The following PCDHGB4 variants were observed in gnomAD, a reference collection of about 807,000 sequenced individuals.
PCDHGB4 encodes protocadherin gamma-B4.
In PCDHGB4, 38 loss-of-function variants were observed where a neutral mutation model predicts 60.5. The observed-to-expected ratio is 0.63, with a 90% confidence interval of 0.48 to 0.82. PCDHGB4 has a LOEUF of 0.82. Ranked by LOEUF, PCDHGB4 falls within the 40% of genes least tolerant of loss-of-function variation. The pLI, the probability that PCDHGB4 is intolerant of heterozygous loss-of-function variation, is 0.00. For missense variants in PCDHGB4, 1,109 were observed against 1,209.6 expected, an observed-to-expected ratio of 0.92 and a Z score of 1.23; for synonymous variants, 456 against 509.7, an observed-to-expected ratio of 0.89 and a Z score of 1.42.
intron 1 of PCDHGB4, chr5:141,403,461 A>G (rs2094410364): frequency 6.2e-7 from 1 of 1,614,010 alleles, no homozygotes; most frequent in Non-Finnish European, 8.5e-7. Context: ...CTCCAGAGCT[A>G]CCAGCTCAGC....
In PCDHGB4 at chr5:141,486,836, G is replaced by C; in HGVS notation, c.2398-7971G>C. On this transcript the variant is annotated intron_variant, in intron 1 of 3. Coordinates refer to ENST00000519479, the MANE Select transcript of PCDHGB4 (RefSeq NM_003736.4). This position sits in a 1 kb window ranked among gnomAD's most constrained non-coding sequence, Gnocchi z 5.0. ...CAGCACTGTAACAGTTCGTCTATTT[G>C]TGCTGGACCTCAATGACAATGCTCC... 1 of 1,614,242 alleles carries C rather than the reference G, an allele frequency of 6.2e-7. No individual in the cohort carries two copies. The highest frequency in any genetic ancestry group is 8.5e-7 in the Non-Finnish European group (1 of 1,180,046).
intron 1 of PCDHGB4, chr5:141,415,308 C>T: frequency 6.2e-7 from 1 of 1,614,236 alleles, no homozygotes; most frequent in Non-Finnish European, 8.5e-7. Flanking sequence ...TCCTGGCCTT[C>T]GTCATCGTGC....
Position 141,489,338 on chromosome 5 carries a change from A to T in PCDHGB4, c.2398-5469A>T, listed in dbSNP as rs1303176012. 1 of 1,608,414 alleles carries T rather than the reference A, an allele frequency of 6.2e-7. No homozygotes were observed. Among genetic ancestry groups the T allele is most frequent in the South Asian group, 1.1e-5 (1 of 90,478 alleles). ...GGCTGGGTGTCTGGGCAGCTTCGTTACTCAGTGGTGGAGGAGTCTGAGCCG... is the reference window on the plus strand; with the variant it reads ...GGCTGGGTGTCTGGGCAGCTTCGTTTCTCAGTGGTGGAGGAGTCTGAGCCG... On this transcript the variant is annotated intron_variant, in intron 1 of 3. Coordinates refer to ENST00000519479, the MANE Select transcript of PCDHGB4 (RefSeq NM_003736.4). This position sits in a 1 kb window ranked among gnomAD's most constrained non-coding sequence, Gnocchi z 4.5.
intron 1 of PCDHGB4, chr5:141,394,595 G>A: frequency 6.2e-7 from 1 of 1,613,740 alleles, no homozygotes; most frequent in Non-Finnish European, 8.5e-7. Flanking sequence ...TGGTGGCGGT[G>A]GACAGAGACT....
At chr5:141,394,847 G>T in intron 1 of PCDHGB4, 1 of 1,613,848 alleles carries the variant, frequency 6.2e-7, no homozygotes, top group South Asian at 1.1e-5. Context: ...TGGGCAGTCT[G>T]AAGCCTTCGG....
intron 1 of PCDHGB4, among the ~76,000 whole-genome samples, chr5:141,402,221 G>A (rs567791316): frequency 1.3e-5 from 2 of 151,942 alleles, no homozygotes; most frequent in Admixed American, 6.5e-5. Context: ...TAAAATAAAC[G>A]TTTTTCCAGG....
rs2099883850 is a variant in PCDHGB4, at chr5:141,511,565, A to T, written c.*392A>T. The T allele has an allele frequency of 3.4e-6, 1 of 295,974 alleles. No homozygotes were observed. Among genetic ancestry groups the T allele is most frequent in the African/African-American group, 2.2e-5 (1 of 46,502 alleles). The allele number at this position is 295,974 out of a possible 1,614,324, so 18.3% of individuals were successfully genotyped here. The stretch of plus-strand genomic sequence containing the variant: ...CCACTCCAACAGTTCCTCTTTCCCG[A>T]GTAAGGTGGTTGGGGTGTTGAAGTA... On this transcript the variant is annotated 3_prime_UTR_variant, in exon 4 of 4. Coordinates refer to ENST00000519479, the MANE Select transcript of PCDHGB4 (RefSeq NM_003736.4).
intron 2 of PCDHGB4, among the ~76,000 whole-genome samples, chr5:141,498,068 A>G (rs765582921): frequency 6.6e-6 from 1 of 152,244 alleles, no homozygotes; most frequent in Non-Finnish European, 1.5e-5. Context: ...TGAAACTGTC[A>G]TAAGTGCTAG....
Position 141,490,911 on chromosome 5 carries a change from G to C in PCDHGB4, c.2398-3896G>C. On this transcript the variant is annotated intron_variant, in intron 1 of 3. Coordinates refer to ENST00000519479, the MANE Select transcript of PCDHGB4 (RefSeq NM_003736.4). The surrounding 1 kb of genome is among the most constrained non-coding windows in gnomAD (Gnocchi z 5.4). ...CTCTGCATGTGTTTGTCCTAGACGA[G>C]AATGATAATGCCCCAGCTGTGCTGC... is the stretch of plus-strand genomic sequence containing the variant. The C allele has an allele frequency of 6.2e-7, 1 of 1,613,722 alleles. No homozygotes were observed. Among genetic ancestry groups the C allele is most frequent in the East Asian group, 2.2e-5 (1 of 44,870 alleles).
chr5:141,450,006 C>CTATTTTT lies in PCDHGB4; in HGVS notation c.2398-44800_2398-44799insATTTTTT, dbSNP rs70988802. On this transcript the variant is annotated intron_variant, in intron 1 of 3. Coordinates refer to ENST00000519479, the MANE Select transcript of PCDHGB4 (RefSeq NM_003736.4). ...CACATTGCATTTAGTTGCCATGTCTCTTTTTTTTTTTTTTTTTTGAGACAG... is the reference window on the plus strand; with the variant it reads ...CACATTGCATTTAGTTGCCATGTCTCTATTTTTTTTTTTTTTTTTTTTTTTGAGACAG... Among the ~76,000 whole-genome samples, 248 of 132,920 alleles carry CTATTTTT rather than the reference C, an allele frequency of 1.9e-3. 8 individuals carry two copies. Among genetic ancestry groups the CTATTTTT allele is most frequent in the African/African-American group, 4.3e-3 (154 of 35,586 alleles). 87.2% of individuals were successfully genotyped at this position (132,920 alleles called of 152,430 possible). A position where few individuals can be genotyped will look rare whatever the true frequency, so the allele number is the denominator to read the frequency against.
In PCDHGB4 at chr5:141,512,385, A is replaced by G. The variant is rs78180647; in HGVS notation, c.*1212A>G. 6,750 of 152,704 alleles carry G rather than the reference A, an allele frequency of 0.044. 413 individuals carry two copies. Among genetic ancestry groups the G allele is most frequent in the Admixed American group, 0.18 (2,745 of 15,296 alleles). The allele number at this position is 152,704 out of a possible 1,614,324, so 9.5% of individuals were successfully genotyped here. ...TAGGGCAGGGACCAAATGAACAGAAAGTCTCAGCCCAGGATGGGGCTTCTT... is the reference window on the plus strand; with the variant it reads ...TAGGGCAGGGACCAAATGAACAGAAGGTCTCAGCCCAGGATGGGGCTTCTT... On this transcript the variant is annotated 3_prime_UTR_variant, in exon 4 of 4. Coordinates refer to ENST00000519479, the MANE Select transcript of PCDHGB4 (RefSeq NM_003736.4).
intron 1 of PCDHGB4, among the ~76,000 whole-genome samples, chr5:141,434,579 A>T (rs931282309): frequency 6.6e-6 from 1 of 152,232 alleles, no homozygotes; most frequent in African/African-American, 2.4e-5. Context: ...CCTGCTGCAG[A>T]TAACTACCTC....
chr5:141,445,188 G>A (rs1267342449), intron 1 of PCDHGB4, among the ~76,000 whole-genome samples: 5 of 152,198 alleles, frequency 3.3e-5, no homozygotes, highest in South Asian at 2.1e-4. Flanking sequence ...ATGTTTTTAT[G>A]TATTCTATAT....
At chr5:141,421,303 G>A (rs1456288695) in intron 1 of PCDHGB4, 1 of 1,613,660 alleles carries the variant, frequency 6.2e-7, no homozygotes, top group Non-Finnish European at 8.5e-7. Flanking sequence ...GACGCTGCGG[G>A]GGTTCCGGGC....
At chr5:141,464,189 C>T (rs1215955823) in intron 1 of PCDHGB4, among the ~76,000 whole-genome samples, 1 of 150,620 alleles carries the variant, frequency 6.6e-6, no homozygotes, top group Non-Finnish European at 1.5e-5. Context: ...TGCTTGATTT[C>T]AGGAGGCGGA....
At chr5:141,478,173 A>G (rs1397071220) in intron 1 of PCDHGB4, 1 of 1,613,986 alleles carries the variant, frequency 6.2e-7, no homozygotes, top group Non-Finnish European at 8.5e-7. Flanking sequence ...CCCCGGGAGC[A>G]GAAAAAAAAT....
chr5:141,450,663 T>C (rs957466690), intron 1 of PCDHGB4, among the ~76,000 whole-genome samples: 1 of 151,652 alleles, frequency 6.6e-6, no homozygotes, highest in Non-Finnish European at 1.5e-5. Flanking sequence ...ATTTTTGTAC[T>C]TTTAGTAGAA....
chr5:141,479,333 G>A (rs2154577502), intron 1 of PCDHGB4: 1 of 152,652 alleles, frequency 6.6e-6, no homozygotes, highest in East Asian at 1.9e-4. Context: ...TCAGTGGTGT[G>A]CACCTGTAGT....
intron 1 of PCDHGB4, chr5:141,404,268 C>A (rs1334326806): frequency 1.2e-6 from 2 of 1,613,860 alleles, no homozygotes; most frequent in African/African-American, 2.7e-5. Context: ...ATTCACATCA[C>A]CCTGCAAGTG....
Sources: gnomAD v4.1 joint callset for allele counts (sites outside exome capture counted in the v4.1 genomes callset) on GRCh38, gnomAD v4.1.1 for gene constraint, Gnocchi (gnomAD v3.1) non-coding constraint, MANE v1.5 for transcripts, NCBI Gene and HGNC (gene_info 2026-07-23, HGNC 2026-07-21) for gene names.